PHLDB2: variants seen among roughly 807,000 people sequenced by gnomAD.
The protein encoded by PHLDB2 is pleckstrin homology like domain family B member 2.
A neutral mutation model predicts 123.6 loss-of-function variants in PHLDB2; 71 were observed. The ratio of observed to expected loss-of-function variants is 0.57; its 90% CI spans 0.47 to 0.70. PHLDB2 has a LOEUF of 0.70. Among genes scored for constraint, PHLDB2 ranks in the 30% least tolerant of loss-of-function variants. PHLDB2 has a pLI of 0.00. For missense variants in PHLDB2, 1,446 were observed against 1,519.5 expected (o/e 0.95, Z 0.80); for synonymous variants, 547 against 541.6 (o/e 1.01, Z -0.14).
intron 6 of PHLDB2, among the ~76,000 whole-genome samples, chr3:111,937,615 A>G (rs1354035911): frequency 6.6e-6 from 1 of 152,046 alleles, no homozygotes; most frequent in Admixed American, 6.6e-5. Flanking sequence ...ATTCTACAAA[A>G]AAGTACAAAA....
intron 13 of PHLDB2, among the ~76,000 whole-genome samples, chr3:111,964,447 C>A (rs943893259): frequency 7.2e-5 from 11 of 152,080 alleles, no homozygotes; most frequent in African/African-American, 2.7e-4. Flanking sequence ...TCAAGCAATT[C>A]TCTCGTCTCA....
chr3:111,905,299 T>C (rs1230780515), intron 2 of PHLDB2, among the ~76,000 whole-genome samples: 3 of 152,110 alleles, frequency 2.0e-5, no homozygotes, highest in African/African-American at 4.8e-5. Context: ...ACCCTTTCAG[T>C]TGGGGTCTGA....
At position 111,845,775 on chromosome 3, in the gene PHLDB2, A is replaced by G. The variant is rs372254649; in HGVS notation, c.-48-46A>G. 1.3e-4 allele frequency: 208 copies of G among 1,605,068 alleles called. No homozygotes were observed. In the African/African-American group the frequency reaches 2.3e-3, roughly 18 times the overall value. On this transcript the variant is annotated intron_variant, in intron 1 of 17. Transcript: ENST00000393923. ...GTTGACCTTGAGTTTTCAGAGGTCA[A>G]TTCAGCTTTCCAATCATGGTACCTC...
chr3:111,882,336 A>G (rs1436435244), intron 1 of PHLDB2, among the ~76,000 whole-genome samples: 1 of 152,176 alleles, frequency 6.6e-6, no homozygotes, highest in Non-Finnish European at 1.5e-5. Context: ...TTCAGAATAG[A>G]GGAGTCTCAG....
chr3:111,966,528 GT>G lies in PHLDB2; in HGVS notation c.3078-84del, dbSNP rs1553755687. On this transcript the variant is annotated intron_variant, in intron 13 of 17. Transcript: ENST00000431670. ...GTGTGTGTGTGTGTGTGTGTCTGGG[GT>G]GTGTGTGTGTGTGTGTGTGTATGTA... 1.5e-3 allele frequency: 286 copies of G among 188,822 alleles called. 2 individuals are homozygous for G. The highest frequency in any genetic ancestry group is 7.1e-3 in the East Asian group (32 of 4,476). The allele number at this position is 188,822 out of a possible 1,614,324, so 11.7% of individuals were successfully genotyped here. A position where few individuals can be genotyped will look rare whatever the true frequency, so the allele number is the denominator to read the frequency against.
chr3:111,813,535 A>G (rs1339999381), intron 1 of PHLDB2, among the ~76,000 whole-genome samples: 2 of 152,202 alleles, frequency 1.3e-5, no homozygotes, highest in Non-Finnish European at 2.9e-5. Flanking sequence ...GTAATAGTAA[A>G]TGTTATAACT....
At chr3:111,911,767 G>A in intron 2 of PHLDB2, 1 of 1,492,858 alleles carries the variant, frequency 6.7e-7, no homozygotes, top group Non-Finnish European at 9.0e-7. Flanking sequence ...TTTTGATCAA[G>A]CTATTGCTCT....
intron 1 of PHLDB2, 28 bp from the exon 2 acceptor site, chr3:111,884,036 C>G: frequency 6.4e-7 from 1 of 1,570,588 alleles, no homozygotes; most frequent in African/African-American, 1.4e-5. Flanking sequence ...TTCTTTAAGG[C>G]AAAATTTTCT....
chr3:111,898,806 G>A (rs940730683), intron 2 of PHLDB2, among the ~76,000 whole-genome samples: 15 of 152,256 alleles, frequency 9.9e-5, no homozygotes, highest in Non-Finnish European at 2.1e-4. Flanking sequence ...TGAGATTTCA[G>A]CAATTCATTC....
At chr3:111,785,587 T>G (rs1223971848) in intron 1 of PHLDB2, among the ~76,000 whole-genome samples, 2 of 152,188 alleles carry the variant, frequency 1.3e-5, no homozygotes, top group Non-Finnish European at 2.9e-5. Flanking sequence ...ATATTAAATA[T>G]GACAGGATTC....
intron 5 of PHLDB2, among the ~76,000 whole-genome samples, chr3:111,924,522 G>C (rs116335527): frequency 6.6e-6 from 1 of 152,242 alleles, no homozygotes; most frequent in Non-Finnish European, 1.5e-5. Flanking sequence ...GCTGGGCTGG[G>C]CTGCCCGTGT....
At chr3:111,936,120 C>A (rs550958708) in intron 6 of PHLDB2, among the ~76,000 whole-genome samples, 23 of 152,310 alleles carry the variant, frequency 1.5e-4, no homozygotes, top group African/African-American at 5.5e-4. Context: ...TTCTTCCTGT[C>A]CCTCCATCAG....
At chr3:111,823,034 G>A (rs2062482157) in intron 1 of PHLDB2, among the ~76,000 whole-genome samples, 1 of 152,238 alleles carries the variant, frequency 6.6e-6, no homozygotes, top group East Asian at 1.9e-4. Context: ...TGTATCACAT[G>A]GTCAAAGGAG....
At chr3:111,784,170 C>T (rs1353775773) in intron 1 of PHLDB2, among the ~76,000 whole-genome samples, 2 of 151,984 alleles carry the variant, frequency 1.3e-5, no homozygotes, top group African/African-American at 2.4e-5. Flanking sequence ...ATATCAGAGC[C>T]GAGAATTCCA....
intron 2 of PHLDB2, among the ~76,000 whole-genome samples, chr3:111,894,143 G>C (rs1400442686): frequency 7.2e-6 from 1 of 138,640 alleles, no homozygotes; most frequent in African/African-American, 2.7e-5. Flanking sequence ...TCCCACCTAT[G>C]AGTGAGAATA....
intron 2 of PHLDB2, chr3:111,911,727 G>A: frequency 4.6e-6 from 7 of 1,535,726 alleles, no homozygotes; most frequent in Non-Finnish European, 6.1e-6. Context: ...AAAGGGAGGT[G>A]CGAGCTTGTA....
chr3:111,856,245 T>C (rs545860285), upstream of PHLDB2, among the ~76,000 whole-genome samples: 4 of 152,330 alleles, frequency 2.6e-5, no homozygotes, highest in East Asian at 7.7e-4. Context: ...GATTACTTTT[T>C]GTCTAGTAAT....
intron 2 of PHLDB2, among the ~76,000 whole-genome samples, chr3:111,849,402 C>A (rs1484840502): frequency 6.6e-6 from 1 of 152,170 alleles, no homozygotes; most frequent in East Asian, 1.9e-4. Context: ...AACTCCTGGG[C>A]TCAAATGATC....
intron 2 of PHLDB2, among the ~76,000 whole-genome samples, chr3:111,850,672 G>C (rs551022207): frequency 6.6e-6 from 1 of 152,102 alleles, no homozygotes; most frequent in African/African-American, 2.4e-5. Context: ...GCTGAGGCAC[G>C]AGGATGGCTT....
Sources: allele counts gnomAD v4.1 joint callset (sites outside exome capture counted in the v4.1 genomes callset), GRCh38; gene constraint gnomAD v4.1.1; transcripts MANE v1.5; gene names NCBI Gene and HGNC (gene_info 2026-07-23, HGNC 2026-07-21).